REPS2: variants seen among roughly 807,000 people sequenced by gnomAD.
REPS2 encodes the protein RALBP1 associated Eps domain containing 2.
A neutral mutation model predicts 53.6 loss-of-function variants in REPS2; 23 were observed. The ratio of observed to expected loss-of-function variants is 0.43; its 90% CI spans 0.31 to 0.61. The LOEUF is 0.61. Ranked by LOEUF, REPS2 falls within the 20% of genes least tolerant of loss-of-function variation. REPS2 has a pLI of 0.11. For missense variants in REPS2, 446 were observed against 534.9 expected, an observed-to-expected ratio of 0.83 and a Z score of 1.64; for synonymous variants, 238 against 218.6, an observed-to-expected ratio of 1.09 and a Z score of -0.78.
intron 5 of REPS2, among the ~76,000 whole-genome samples, chrX:17,038,153 G>GA (rs2061789486): frequency 8.9e-6 from 1 of 112,489 alleles, no homozygotes; most frequent in South Asian, 3.6e-4. Flanking sequence ...AAAAGGAGGA[G>GA]ATAGATTTGA....
At chrX:16,991,239 C>T (rs1410681458) in intron 1 of REPS2, among the ~76,000 whole-genome samples, 2 of 111,466 alleles carry the variant, frequency 1.8e-5, no homozygotes, top group African/African-American at 6.5e-5. Context: ...ACACTAGACT[C>T]GTTTTTCCCA....
intron 2 of REPS2, among the ~76,000 whole-genome samples, chrX:17,021,046 G>C (rs2061570357): frequency 8.9e-6 from 1 of 112,382 alleles, no homozygotes; most frequent in South Asian, 3.7e-4. Context: ...CTTGCTTGCT[G>C]TTGCTAAGAT....
At chrX:17,051,346 A>G (rs112106989) in intron 6 of REPS2, among the ~76,000 whole-genome samples, 1 of 111,914 alleles carries the variant, frequency 8.9e-6, no homozygotes, top group African/African-American at 3.2e-5. Flanking sequence ...TCTTTGATAC[A>G]CTGATTTCCT....
intron 1 of REPS2, among the ~76,000 whole-genome samples, chrX:16,951,333 A>C (rs771247441): frequency 9.0e-6 from 1 of 111,659 alleles, no homozygotes; most frequent in Non-Finnish European, 1.9e-5. Context: ...AAGTCAGCAC[A>C]GGGAAATAAA....
intron 1 of REPS2, among the ~76,000 whole-genome samples, chrX:16,948,258 A>G (rs1422542940): frequency 8.9e-6 from 1 of 112,626 alleles, no homozygotes; most frequent in Non-Finnish European, 1.9e-5. Flanking sequence ...TTTTACTGCT[A>G]TATGTTTGTG....
chrX:17,016,760 CTTTTTTTTTTT>C (rs139092298), intron 2 of REPS2, among the ~76,000 whole-genome samples: 4 of 63,664 alleles, frequency 6.3e-5, no homozygotes, highest in Non-Finnish European at 1.2e-4. Flanking sequence ...TTTCTTTTTT[CTTTTTTTTTTT>C]TTTTTTTTTT....
At chrX:17,188,274 C>T in the REPS2 span, among the ~76,000 whole-genome samples, 1 of 112,569 alleles carries the variant, frequency 8.9e-6, no homozygotes, top group Non-Finnish European at 1.9e-5. Flanking sequence ...CACTATTTTC[C>T]CATTTACGGT....
chrX:17,097,507 A>C (rs1458902048), intron 13 of REPS2, among the ~76,000 whole-genome samples: 1 of 112,366 alleles, frequency 8.9e-6, no homozygotes, highest in African/African-American at 3.2e-5. Context: ...AAAAGCTACA[A>C]ATTAGTGAAC....
intron 1 of REPS2, among the ~76,000 whole-genome samples, chrX:16,997,087 A>G (rs1377964893): frequency 8.9e-6 from 1 of 112,202 alleles, no homozygotes; most frequent in Non-Finnish European, 1.9e-5. Context: ...GCTTTATATA[A>G]TTTGGCAGTA....
Position 17,025,066 on chromosome X carries a change from C to A in REPS2, c.554C>A (p.Thr185Lys). Reference protein sequence around the residue: ...RMDDEDKQQETQSPTMSPLAS... With the variant: ...RMDDEDKQQEKQSPTMSPLAS... Reference sequence around the variant, plus strand: ...TGATCTGGTTCTTTGAAGCAGGAAACACAGTCTCCCACGATGTCACCCCTC... The same window carrying A: ...TGATCTGGTTCTTTGAAGCAGGAAAAACAGTCTCCCACGATGTCACCCCTC... The change falls in exon 4 of 18, where the codon ACA becomes AAA. Residue 185 changes from threonine to lysine, a missense_variant. Coordinates refer to ENST00000357277, the MANE Select transcript of REPS2 (RefSeq NM_004726.3). 2.5e-6 allele frequency: 3 copies of A among 1,211,750 alleles called. No homozygotes were observed. The highest frequency in any genetic ancestry group is 3.4e-6 in the Non-Finnish European group (3 of 895,481).
chrX:16,992,183 A>G (rs931710281), intron 1 of REPS2, among the ~76,000 whole-genome samples: 5 of 110,658 alleles, frequency 4.5e-5, no homozygotes, highest in African/African-American at 1.6e-4. Flanking sequence ...AGCCCTTATG[A>G]TGGGATTAGT....
In REPS2 at chrX:16,965,018, G is replaced by A. The variant is rs1249505014; in HGVS notation, c.273+17884G>A. On this transcript the variant is annotated intron_variant, in intron 1 of 17. Transcript: ENST00000357277. ...CAGAGGCGCCCCTCACCTCCCGGAC[G>A]GGGCGGCTGGCCGGGCGGGGGGCTG... Among the ~76,000 whole-genome samples the A allele has an allele frequency of 3.6e-5, 3 of 83,599 alleles. 1 individual carries two copies. Among genetic ancestry groups the A allele is most frequent in the Admixed American group, 2.4e-4 (2 of 8,355 alleles). The allele number at this position is 83,599 out of a possible 115,157, so 72.6% of individuals were successfully genotyped here. A position where few individuals can be genotyped will look rare whatever the true frequency, so the allele number is the denominator to read the frequency against.
chrX:17,156,434 A>G (rs754846230), downstream of REPS2, among the ~76,000 whole-genome samples: 3 of 109,556 alleles, frequency 2.7e-5, no homozygotes, highest in African/African-American at 1.0e-4. Flanking sequence ...ATGTATTTTA[A>G]AACTCAACAA....
chrX:17,182,667 A>G, the REPS2 span, among the ~76,000 whole-genome samples: 1 of 112,125 alleles, frequency 8.9e-6, no homozygotes, highest in Admixed American at 9.5e-5. Context: ...ATTTTTGTCC[A>G]TTTTAAAATG....
At chrX:17,056,651 C>T (rs954065023) in intron 8 of REPS2, among the ~76,000 whole-genome samples, 36 of 107,964 alleles carry the variant, frequency 3.3e-4, no homozygotes, top group South Asian at 2.9e-3. Context: ...GCCGAGATCG[C>T]GCCACTGCAC....
In REPS2 at chrX:17,052,416, G is replaced by C; in HGVS notation, c.942G>C (p.Lys314Asn). The change falls in exon 7 of 18, where the codon AAG becomes AAC. Residue 314 changes from lysine (K) to asparagine (N), a missense_variant. Physicochemically the swap from Lys to Asn is moderately conservative, Grantham distance 94. Coordinates refer to ENST00000357277, the MANE Select transcript of REPS2 (RefSeq NM_004726.3). ...SVAKNFFTKS[K>N]LSIPELSYIW... is the part of the protein sequence containing the mutation. ...CCAAGAACTTCTTCACCAAATCAAA[G>C]CTTTCCATTCCAGAACTCTCCTATA... 1 of 1,206,008 alleles carries C rather than the reference G, an allele frequency of 8.3e-7. No individual in the cohort carries two copies. Among genetic ancestry groups the C allele is most frequent in the Non-Finnish European group, 1.1e-6 (1 of 892,396 alleles).
chrX:17,136,537 A>C (rs1444381367), intron 16 of REPS2: 1 of 111,847 alleles, frequency 8.9e-6, no homozygotes, highest in Non-Finnish European at 1.9e-5. Context: ...CTTTATGTTC[A>C]TTTTAGTCAG....
chrX:17,075,187 T>C (rs2062362664), intron 12 of REPS2, among the ~76,000 whole-genome samples: 1 of 112,311 alleles, frequency 8.9e-6, no homozygotes, highest in Non-Finnish European at 1.9e-5. Flanking sequence ...TACTCATCCT[T>C]TGTAAAAGGA....
At chrX:17,037,454 G>A (rs1033889942) in intron 5 of REPS2, among the ~76,000 whole-genome samples, 11 of 112,225 alleles carry the variant, frequency 9.8e-5, no homozygotes, top group Admixed American at 9.4e-4. Flanking sequence ...GACTACAGGC[G>A]TGCGCCACTG....
Sources: allele counts gnomAD v4.1 joint callset (sites outside exome capture counted in the v4.1 genomes callset), GRCh38; gene constraint gnomAD v4.1.1; transcripts MANE v1.5; gene names NCBI Gene and HGNC (gene_info 2026-07-23, HGNC 2026-07-21).